CCDC3: variants seen among roughly 807,000 people sequenced by gnomAD.
The protein encoded by CCDC3 is coiled-coil domain-containing protein 3.
CCDC3 carries 24 observed loss-of-function variants against 21.4 expected under a neutral mutation model. That is an observed-to-expected ratio of 1.12 (90% CI 0.81 to 1.58). The LOEUF is 1.58. Ranked by LOEUF, CCDC3 falls within the 40% of genes most tolerant of loss-of-function variation. CCDC3 has a pLI of 0.00. For synonymous variants in CCDC3, 186 were observed against 166.0 expected (o/e 1.12, Z -0.93); for missense variants, 425 against 360.9 (o/e 1.18, Z -1.44).
At chr10:12,907,500 C>G (rs973101082) in intron 2 of CCDC3, among the ~76,000 whole-genome samples, 2 of 152,220 alleles carry the variant, frequency 1.3e-5, no homozygotes, top group Non-Finnish European at 2.9e-5. Context: ...GAAAAATTAG[C>G]CAGGTGTGGT....
At chr10:13,028,083 G>T (rs1301791941) in intron 5 of CCDC3, among the ~76,000 whole-genome samples, 1 of 152,116 alleles carries the variant, frequency 6.6e-6, no homozygotes, top group African/African-American at 2.4e-5. Flanking sequence ...AGAATGATAT[G>T]GTTTGGCTGT....
At chr10:13,061,587 G>A (rs1030096732) in intron 4 of CCDC3, among the ~76,000 whole-genome samples, 1 of 152,174 alleles carries the variant, frequency 6.6e-6, no homozygotes, top group African/African-American at 2.4e-5. Context: ...TACATTCTAG[G>A]GAGGCATGAG....
intron 2 of CCDC3, among the ~76,000 whole-genome samples, chr10:12,918,154 A>G (rs1834386928): frequency 6.6e-6 from 1 of 152,152 alleles, no homozygotes; most frequent in Non-Finnish European, 1.5e-5. Context: ...GGATTCTTAC[A>G]TATGCTAAGG....
intron 2 of CCDC3, among the ~76,000 whole-genome samples, chr10:12,993,184 C>G (rs554764877): frequency 6.6e-6 from 1 of 152,144 alleles, no homozygotes; most frequent in African/African-American, 2.4e-5. Flanking sequence ...AATCAGCTTC[C>G]AGTAATAAGC....
At chr10:13,058,057 G>A in intron 4 of CCDC3, 1 of 750,930 alleles carries the variant, frequency 1.3e-6, no homozygotes, top group Non-Finnish European at 2.4e-6. Context: ...AGTAGCACAT[G>A]TAATCTGCAA....
At chr10:12,972,999 A>G (rs1484190546) in intron 2 of CCDC3, among the ~76,000 whole-genome samples, 4 of 152,164 alleles carry the variant, frequency 2.6e-5, no homozygotes, top group Non-Finnish European at 4.4e-5. Flanking sequence ...CTGTTTCCTC[A>G]TCTGCAAAAT....
intron 3 of CCDC3, among the ~76,000 whole-genome samples, chr10:13,082,546 G>A (rs1288412909): frequency 3.3e-5 from 5 of 152,330 alleles, no homozygotes; most frequent in Middle Eastern, 3.4e-3. Context: ...TTCCACAAGA[G>A]GTGGTGGAGC....
At chr10:12,920,502 G>A (rs1041616622) in intron 2 of CCDC3, among the ~76,000 whole-genome samples, 3 of 152,280 alleles carry the variant, frequency 2.0e-5, no homozygotes, top group Non-Finnish European at 4.4e-5. Context: ...AAGTTTCCTC[G>A]ACTGAGGACT....
chr10:12,969,624 A>C (rs1835311969), intron 2 of CCDC3, among the ~76,000 whole-genome samples: 1 of 151,066 alleles, frequency 6.6e-6, no homozygotes, highest in Non-Finnish European at 1.5e-5. Context: ...ATGGATAAAA[A>C]AAGTTTTTTT....
chr10:12,950,768 G>C (rs1221852879), intron 2 of CCDC3, among the ~76,000 whole-genome samples: 1 of 152,074 alleles, frequency 6.6e-6, no homozygotes, highest in Non-Finnish European at 1.5e-5. Context: ...CAGACCTGTG[G>C]GCTTCTCTAG....
intron 2 of CCDC3, among the ~76,000 whole-genome samples, chr10:12,979,809 G>A (rs1438985474): frequency 6.6e-6 from 1 of 152,116 alleles, no homozygotes; most frequent in Admixed American, 6.5e-5. Flanking sequence ...TTTGGTTAAT[G>A]ATATGGGTTG....
chr10:13,063,198 T>C lies in CCDC3; in HGVS notation c.-270+10670A>G, dbSNP rs192394886. Among the ~76,000 whole-genome samples the C allele has an allele frequency of 5.3e-3, 611 of 115,278 alleles. 3 individuals carry two copies. The highest frequency in any genetic ancestry group is 0.02 in the African/African-American group (585 of 29,876). 75.6% of individuals were successfully genotyped at this position (115,278 alleles called of 152,430 possible). On this transcript the variant is annotated intron_variant, in intron 4 of 6. Coordinates refer to the CCDC3 transcript ENST00000378839. ...AACCCTGGTCTCCCACACAGCCGGC[T>C]CTGTGTGAATTACTCTTTCTCTATT...
intron 3 of CCDC3, among the ~76,000 whole-genome samples, chr10:13,075,173 GA>G (rs1836947317): frequency 1.3e-5 from 2 of 152,190 alleles, no homozygotes; most frequent in African/African-American, 4.8e-5. Context: ...CAATATCTCA[GA>G]AGCTAGGGAG....
At chr10:13,038,882 C>A (rs1836413273) in intron 5 of CCDC3, among the ~76,000 whole-genome samples, 1 of 152,208 alleles carries the variant, frequency 6.6e-6, no homozygotes, top group Non-Finnish European at 1.5e-5. Context: ...CTCCTTGTGG[C>A]TACATCTTGC....
At chr10:12,992,957 T>G (rs1835702766) in intron 2 of CCDC3, among the ~76,000 whole-genome samples, 1 of 152,182 alleles carries the variant, frequency 6.6e-6, no homozygotes, top group Non-Finnish European at 1.5e-5. Context: ...ATACACTATA[T>G]TTTTAAATGT....
At chr10:13,027,717 A>G (rs1836241403) in intron 5 of CCDC3, among the ~76,000 whole-genome samples, 1 of 67,248 alleles carries the variant, frequency 1.5e-5, no homozygotes, top group African/African-American at 3.5e-5. Context: ...ATTCAAAAAA[A>G]ATTAAAAAAA....
At chr10:12,943,865 G>A (rs989125111) in intron 2 of CCDC3, among the ~76,000 whole-genome samples, 1 of 152,118 alleles carries the variant, frequency 6.6e-6, no homozygotes, top group Non-Finnish European at 1.5e-5. Context: ...AAGCTCACTT[G>A]TTATGTGTCC....
chr10:13,004,698 A>G (rs1270410568), upstream of CCDC3, among the ~76,000 whole-genome samples: 4 of 151,974 alleles, frequency 2.6e-5, no homozygotes, highest in Admixed American at 6.6e-5. Context: ...GGCTCTCAGC[A>G]GTAGTAGTAG....
chr10:12,989,007 GA>G (rs1295042810), intron 2 of CCDC3, among the ~76,000 whole-genome samples: 11 of 152,176 alleles, frequency 7.2e-5, no homozygotes, highest in Non-Finnish European at 1.6e-4. Context: ...AAAGCTTTCT[GA>G]AAACAGTATA....
Sources: gnomAD v4.1 joint callset for allele counts (sites outside exome capture counted in the v4.1 genomes callset) on GRCh38, gnomAD v4.1.1 for gene constraint, MANE v1.5 for transcripts, NCBI Gene and HGNC (gene_info 2026-07-23, HGNC 2026-07-21) for gene names.